The following SRP9 variants were observed in gnomAD, a reference collection of about 807,000 sequenced individuals.
SRP9 encodes signal recognition particle 9.
Under a neutral mutation model 11.7 loss-of-function variants are expected in SRP9, and 2 were observed. That is an observed-to-expected ratio of 0.17 (90% CI 0.07 to 0.54). The LOEUF is 0.54. Ranked by LOEUF, SRP9 falls within the 20% of genes least tolerant of loss-of-function variation. The pLI is 0.94. For missense variants in SRP9, 54 were observed against 108.1 expected, an observed-to-expected ratio of 0.50 and a Z score of 2.22; for synonymous variants, 27 against 35.6, an observed-to-expected ratio of 0.76 and a Z score of 0.86.
At chr1:225,781,613 T>C (rs1665802834) in intron 1 of SRP9, among the ~76,000 whole-genome samples, 1 of 152,072 alleles carries the variant, frequency 6.6e-6, no homozygotes, top group African/African-American at 2.4e-5. Flanking sequence ...TTGGCCAGAC[T>C]GGTCTCGAAC....
At chr1:225,781,384 C>CTTTTCT (rs1323519694) in intron 1 of SRP9, among the ~76,000 whole-genome samples, 3 of 125,472 alleles carry the variant, frequency 2.4e-5, no homozygotes, top group Non-Finnish European at 3.4e-5. Flanking sequence ...GGCCTTTTTT[C>CTTTTCT]TTTTCTTTTT....
chr1:225,787,052 C>T, intron 2 of SRP9: 1 of 302,350 alleles, frequency 3.3e-6, no homozygotes, highest in South Asian at 2.6e-5. Context: ...TTATATTGCC[C>T]AGGTTGATCT....
At chr1:225,785,872 G>A (rs1431957970) in intron 2 of SRP9, among the ~76,000 whole-genome samples, 1 of 152,034 alleles carries the variant, frequency 6.6e-6, no homozygotes, top group African/African-American at 2.4e-5. Context: ...TAGTAGAGAT[G>A]AGATTTCACC....
rs3738036 is a variant in SRP9, at chr1:225,777,848, G to A, written c.-93G>A. On this transcript the variant is annotated 5_prime_UTR_variant, in exon 1 of 3. Coordinates refer to ENST00000304786, the MANE Select transcript of SRP9 (RefSeq NM_003133.6). ...GGCGCCGCCATCTTGGGGCTGCTGG[G>A]ACTCGCGTCGGTTGGCGACTCCCGG... is the stretch of plus-strand genomic sequence containing the variant. The A allele has an allele frequency of 0.025, 32,254 of 1,268,842 alleles. 505 individuals are homozygous for A. Among genetic ancestry groups the A allele is most frequent in the South Asian group, 0.037 (2,878 of 78,680 alleles). The allele number at this position is 1,268,842 out of a possible 1,614,324, so 78.6% of individuals were successfully genotyped here.
Position 225,790,264 on chromosome 1 carries a change from T to C in SRP9, c.*905T>C, listed in dbSNP as rs1170583774. ...GTTATGTTTTCCAGTAAACTAGAAG[T>C]ACGATATTTGATAATTATATTTGTA... is the stretch of plus-strand genomic sequence containing the variant. On this transcript the variant is annotated 3_prime_UTR_variant, in exon 3 of 3. Transcript: ENST00000304786. The C allele has an allele frequency of 6.6e-6, 1 of 152,232 alleles. No individual in the cohort carries two copies. Among genetic ancestry groups the C allele is most frequent in the Non-Finnish European group, 1.5e-5 (1 of 68,044 alleles). The allele number at this position is 152,232 out of a possible 1,614,324, so 9.4% of individuals were successfully genotyped here.
chr1:225,781,395 C>CTT (rs11315558), intron 1 of SRP9, among the ~76,000 whole-genome samples: 18,426 of 87,544 alleles, frequency 0.21, 2,058 homozygotes, highest in East Asian at 0.41. Flanking sequence ...TTTTCTTTTT[C>CTT]TTTTTTTTTT....
At chr1:225,786,038 C>T (rs1665903461) in intron 2 of SRP9, among the ~76,000 whole-genome samples, 1 of 152,232 alleles carries the variant, frequency 6.6e-6, no homozygotes, top group African/African-American at 2.4e-5. Flanking sequence ...GCTTAGAAAC[C>T]TTTAAACTCC....
At chr1:225,787,906 A>G (rs1450610531) in intron 2 of SRP9, among the ~76,000 whole-genome samples, 2 of 152,230 alleles carry the variant, frequency 1.3e-5, no homozygotes. Context: ...GGCTCACTTA[A>G]AAAAATCAGT....
chr1:225,788,010 T>A (rs1665951492), intron 2 of SRP9, among the ~76,000 whole-genome samples: 1 of 152,226 alleles, frequency 6.6e-6, no homozygotes, highest in African/African-American at 2.4e-5. Context: ...TGTGAACCTT[T>A]AAGATGGGCT....
At chr1:225,778,758 T>C (rs1665736187) in intron 1 of SRP9, among the ~76,000 whole-genome samples, 1 of 152,238 alleles carries the variant, frequency 6.6e-6, no homozygotes, top group Admixed American at 6.5e-5. Flanking sequence ...GTTATTTTAT[T>C]GTCATGTCTA....
At chr1:225,783,460 C>T in intron 2 of SRP9, 92 bp downstream of exon 2, 1 of 1,023,260 alleles carries the variant, frequency 9.8e-7, no homozygotes, top group Non-Finnish European at 1.5e-6. Flanking sequence ...ATGGAGATTA[C>T]CCATTAGGAT....
intron 1 of SRP9, among the ~76,000 whole-genome samples, chr1:225,783,086 C>G (rs1665830896): frequency 2.6e-5 from 1 of 38,810 alleles, no homozygotes; most frequent in South Asian, 1.7e-3. Flanking sequence ...AAATATCCAA[C>G]TTTTTAAGTC....
At chr1:225,783,418 A>G (rs765690754) in intron 2 of SRP9, 50 bp downstream of exon 2, 3 of 1,432,270 alleles carry the variant, frequency 2.1e-6, no homozygotes, top group South Asian at 1.2e-5. Context: ...GTTTGAGTTA[A>G]TTATTTGTTT....
rs747749485 is a variant in SRP9 at position 225,789,370 on chromosome 1, A to G, written c.*11A>G. On this transcript the variant is annotated 3_prime_UTR_variant, in exon 3 of 3. Transcript: ENST00000304786. Reference sequence around the variant, plus strand: ...ATGGAAACTGAGTGAATGGTTTGAAATGAAGACTTTGTCGTGTACTTAGGA... The same window carrying G: ...ATGGAAACTGAGTGAATGGTTTGAAGTGAAGACTTTGTCGTGTACTTAGGA... 1.4e-4 allele frequency: 216 copies of G among 1,573,164 alleles called. No homozygotes were observed. The highest frequency in any genetic ancestry group is 1.8e-4 in the Non-Finnish European group (205 of 1,162,308).
intron 1 of SRP9, among the ~76,000 whole-genome samples, chr1:225,779,566 A>G (rs1469482882): frequency 2.0e-5 from 3 of 152,230 alleles, no homozygotes; most frequent in African/African-American, 4.8e-5. Context: ...TATAGTGCAT[A>G]TAAGTTTAAA....
chr1:225,778,157 C>G, intron 1 of SRP9, 145 bp downstream of exon 1: 1 of 926,654 alleles, frequency 1.1e-6, no homozygotes, highest in South Asian at 1.7e-5. Flanking sequence ...GTTCTGCTCT[C>G]TCGTCCCCTT....
At chr1:225,778,254 C>G (rs952847834) in intron 1 of SRP9, among the ~76,000 whole-genome samples, 1 of 152,252 alleles carries the variant, frequency 6.6e-6, no homozygotes, top group Non-Finnish European at 1.5e-5. Context: ...AATCGATCTT[C>G]CCGCCCCAGT....
At chr1:225,780,178 ATT>A (rs67816765) in intron 1 of SRP9, among the ~76,000 whole-genome samples, 10,797 of 129,664 alleles carry the variant, frequency 0.083, 510 homozygotes, top group East Asian at 0.15. Context: ...TGCCTGCCTA[ATT>A]TTTTTTTTTT....
chr1:225,786,514 A>G (rs760025332), intron 2 of SRP9, among the ~76,000 whole-genome samples: 21 of 152,212 alleles, frequency 1.4e-4, no homozygotes, highest in Non-Finnish European at 2.9e-4. Flanking sequence ...TTATGATGAG[A>G]CTGCATGAAG....
Sources: gnomAD v4.1 joint callset for allele counts (sites outside exome capture counted in the v4.1 genomes callset) on GRCh38, gnomAD v4.1.1 for gene constraint, MANE v1.5 for transcripts, NCBI Gene and HGNC (gene_info 2026-07-23, HGNC 2026-07-21) for gene names.